Variants in ACAP1 observed in about 807,000 individuals in gnomAD.
ACAP1 encodes ArfGAP with coiled-coil, ankyrin repeat and PH domains 1.
ACAP1 carries 45 observed loss-of-function variants against 98.8 expected under a neutral mutation model. That is an observed-to-expected ratio of 0.46 (90% CI 0.36 to 0.58). The LOEUF is 0.58. Among genes scored for constraint, ACAP1 ranks in the 20% least tolerant of loss-of-function variants. ACAP1 has a pLI of 0.00. For synonymous variants in ACAP1, 362 were observed against 375.3 expected (o/e 0.96, Z 0.41); for missense variants, 735 against 971.4 (o/e 0.76, Z 3.24).
chr17:7,351,468 T>G lies in ACAP1; in HGVS notation c.*73T>G, dbSNP rs371480772. ...CCCTCTGCCATTAAAGCCTCCGTGC[T>G]TCGCTCTTCCCTTCTGGTTCACTTC... On this transcript the variant is annotated 3_prime_UTR_variant, in exon 22 of 22. Transcript: ENST00000158762. 1.0e-4 allele frequency: 120 copies of G among 1,161,022 alleles called. 1 individual carries two copies. In the African/African-American group the frequency reaches 1.6e-3, roughly 16 times the overall value. 71.9% of individuals were successfully genotyped at this position (1,161,022 alleles called of 1,614,324 possible).
Position 7,344,906 on chromosome 17 carries a change from G to A in ACAP1, c.854+258G>A, listed in dbSNP as rs2073332195. On this transcript the variant is annotated intron_variant, in intron 10 of 21. Transcript: ENST00000158762. The surrounding 1 kb of genome is among the most constrained non-coding windows in gnomAD (Gnocchi z 4.9). ...GTAGGGGTTACAGTTCTAAATAGTT[G>A]GGCAGTGTGGGCTTCATGAGAAGGT... Among the ~76,000 whole-genome samples the A allele has an allele frequency of 6.6e-6, 1 of 152,154 alleles. No homozygotes were observed. The highest frequency in any genetic ancestry group is 2.4e-5 in the African/African-American group (1 of 41,436).
chr17:7,337,901 T>C (rs1567627381), intron 2 of ACAP1, among the ~76,000 whole-genome samples: 1 of 151,938 alleles, frequency 6.6e-6, no homozygotes, highest in Non-Finnish European at 1.5e-5. Flanking sequence ...GCTCTTGAGC[T>C]CCTGCATTGT....
At position 7,338,246 on chromosome 17, in the gene ACAP1, A is replaced by T. The variant is rs545461690; in HGVS notation, c.111+877A>T. ...GTGAGACCTCATCTCTACAAATAAT[A>T]ATTTTATTTTTATTTTTATTTATTT... On this transcript the variant is annotated intron_variant, in intron 2 of 21. Coordinates refer to ENST00000158762, the MANE Select transcript of ACAP1 (RefSeq NM_014716.4). Among the ~76,000 whole-genome samples the T allele has an allele frequency of 2.7e-4, 41 of 151,968 alleles. 1 individual carries two copies. In the South Asian group the frequency reaches 8.5e-3, roughly 32 times the overall value.
At chr17:7,339,725 TTGTGTA>T (rs2073257481) in intron 2 of ACAP1, among the ~76,000 whole-genome samples, 1 of 152,236 alleles carries the variant, frequency 6.6e-6, no homozygotes, top group Non-Finnish European at 1.5e-5. Flanking sequence ...TTTGGTGTTT[TTGTGTA>T]TAATTCTATG....
Position 7,336,667 on chromosome 17 carries a change from G to C in ACAP1, c.-68G>C. ...TCATCTCCCCTTCCTGGGACAGAAAGTGCCTCCACCTGCATCCCCAGGGGC... is the reference window on the plus strand; with the variant it reads ...TCATCTCCCCTTCCTGGGACAGAAACTGCCTCCACCTGCATCCCCAGGGGC... On this transcript the variant is annotated 5_prime_UTR_variant, in exon 1 of 22. Transcript: ENST00000158762. 6.4e-7 allele frequency: 1 copy of C among 1,551,730 alleles called. No individual in the cohort carries two copies. The highest frequency in any genetic ancestry group is 8.9e-7 in the Non-Finnish European group (1 of 1,124,322).
At chr17:7,336,917 C>A in intron 1 of ACAP1, 130 bp downstream of exon 1, 4 of 935,292 alleles carry the variant, frequency 4.3e-6, no homozygotes, top group South Asian at 1.4e-5. Flanking sequence ...GCCTGTGGGC[C>A]AAAGTGGTAC....
Position 7,336,740 on chromosome 17 carries a change from G to A in ACAP1, c.6G>A (p.Thr2=), listed in dbSNP as rs144489925. The change falls in exon 1 of 22, where the codon ACG becomes ACA. Residue 2 remains threonine, a synonymous_variant. Transcript: ENST00000158762. ...CCCACAGCAGGCAAGCTGAGATGAC[G>A]GTCAAGCTGGATTTCGAGGAGTGTC... The part of the protein sequence containing the change: M[T]VKLDFEECLK... The A allele has an allele frequency of 2.6e-4, 425 of 1,613,750 alleles. No homozygotes were observed. The highest frequency in any genetic ancestry group is 3.3e-4 in the Non-Finnish European group (389 of 1,179,856).
chr17:7,350,469 C>T lies in ACAP1; in HGVS notation c.2072+232C>T. 1 of 577,278 alleles carries T rather than the reference C, an allele frequency of 1.7e-6. No individual in the cohort carries two copies. Among genetic ancestry groups the T allele is most frequent in the East Asian group, 2.9e-5 (1 of 34,736 alleles). The allele number at this position is 577,278 out of a possible 1,614,324, so 35.8% of individuals were successfully genotyped here. A position where few individuals can be genotyped will look rare whatever the true frequency, so the allele number is the denominator to read the frequency against. ...CGGGCAGGGTGCAAGGATGCTTGGC[C>T]CACCCTGAGAGGCGTAATTCGCCCA... On this transcript the variant is annotated intron_variant, in intron 20 of 21. Transcript: ENST00000158762. The surrounding 1 kb of genome is among the most constrained non-coding windows in gnomAD (Gnocchi z 4.6).
intron 1 of ACAP1, 113 bp downstream of exon 1, chr17:7,336,900 G>A: frequency 1.6e-6 from 2 of 1,214,476 alleles, no homozygotes; most frequent in Non-Finnish European, 2.4e-6. Flanking sequence ...CTAAGAGGCA[G>A]GAGCGAGCCT....
intron 2 of ACAP1, among the ~76,000 whole-genome samples, chr17:7,338,384 G>A (rs2073242363): frequency 6.6e-6 from 1 of 151,996 alleles, no homozygotes; most frequent in African/African-American, 2.4e-5. Flanking sequence ...CTCCCAAGTA[G>A]CTGGGATTAC....
intron 1 of ACAP1, 35 bp downstream of exon 1, chr17:7,336,822 GA>G: frequency 1.2e-6 from 2 of 1,610,776 alleles, no homozygotes; most frequent in Non-Finnish European, 1.7e-6. Flanking sequence ...CTAAGGAGGG[GA>G]AAGTCTAACA....
Position 7,350,820 on chromosome 17 carries a change from C to G in ACAP1, c.2073-130C>G. 2 of 838,244 alleles carry G rather than the reference C, an allele frequency of 2.4e-6. No homozygotes were observed. The highest frequency in any genetic ancestry group is 3.9e-6 in the Non-Finnish European group (2 of 514,844). 51.9% of individuals were successfully genotyped at this position (838,244 alleles called of 1,614,324 possible). Reference sequence around the variant, plus strand: ...AGAGACGGGGTTTCACCATGTTGGCCAGGACGGTCTCGATCTCCTGACCTC... The same window carrying G: ...AGAGACGGGGTTTCACCATGTTGGCGAGGACGGTCTCGATCTCCTGACCTC... On this transcript the variant is annotated intron_variant, in intron 20 of 21. Transcript: ENST00000158762. This position sits in a 1 kb window ranked among gnomAD's most constrained non-coding sequence, Gnocchi z 4.6.
chr17:7,336,540 G>A lies in ACAP1; in HGVS notation c.-195G>A, dbSNP rs564112715. The A allele has an allele frequency of 2.5e-5, 15 of 602,378 alleles. No individual in the cohort carries two copies. The East Asian group carries it at 3.7e-4, about 15-fold the overall frequency. 37.3% of individuals were successfully genotyped at this position (602,378 alleles called of 1,614,324 possible). ...CCCCTGCCCCTCCCAGCACTGCCTG[G>A]AAGTGTGGGGTGAGAGCTCCTCCTA... is the stretch of plus-strand genomic sequence containing the variant. On this transcript the variant is annotated 5_prime_UTR_variant, in exon 1 of 22. Coordinates refer to ENST00000158762, the MANE Select transcript of ACAP1 (RefSeq NM_014716.4).
intron 5 of ACAP1, chr17:7,342,907 CAAAAAAAAAAAA>C (rs35515243): frequency 1.7e-4 from 12 of 69,056 alleles, no homozygotes; most frequent in African/African-American, 2.4e-4. Context: ...GACTCTGCCT[CAAAAAAAAAAAA>C]AAAAAAAAAA....
intron 14 of ACAP1, 36 bp from the exon 15 acceptor site, chr17:7,347,885 CT>C: frequency 6.3e-7 from 1 of 1,589,874 alleles, no homozygotes; most frequent in Non-Finnish European, 8.6e-7. Context: ...CACTGCCCCC[CT>C]GCACAGGGCC....
At chr17:7,342,386 C>A (rs1249790626) in intron 4 of ACAP1, 30 bp from the exon 5 acceptor site, 3 of 1,613,820 alleles carry the variant, frequency 1.9e-6, no homozygotes, top group Non-Finnish European at 2.5e-6. Flanking sequence ...GTGGTCCTGA[C>A]CCCAGTCTAC....
At position 7,349,983 on chromosome 17, in the gene ACAP1, G is replaced by A; in HGVS notation, c.1890G>A (p.Gly630=). 6.2e-7 allele frequency: 1 copy of A among 1,613,230 alleles called. No homozygotes were observed. The highest frequency in any genetic ancestry group is 8.5e-7 in the Non-Finnish European group (1 of 1,179,380). ...LLACEFLLQN[G]ANVNQADSAG... is the part of the protein sequence containing the mutation. ...CCTGTGAGTTTCTCCTCCAGAACGG[G>A]GCGAACGTGAACCAAGCGGACAGTG... The change falls in exon 19 of 22, where the codon GGG becomes GGA. Residue 630 remains glycine (G), a synonymous_variant. Transcript: ENST00000158762.
chr17:7,346,422 G>A lies in ACAP1; in HGVS notation c.938G>A (p.Arg313His), dbSNP rs1017836179. 4 of 1,613,850 alleles carry A rather than the reference G, an allele frequency of 2.5e-6. No individual in the cohort carries two copies. The highest frequency in any genetic ancestry group is 3.4e-6 in the Non-Finnish European group (4 of 1,179,876). The part of the protein sequence containing the change: ...DPVTVVVDDL[R>H]LCTVKLCPDS... ...GTGACTGTGGTGGTGGATGACCTTC[G>A]TCTCTGCACAGTGAAACTCTGCCCT... is the stretch of plus-strand genomic sequence containing the variant. Residue 313 changes from arginine (R) to histidine (H), a missense_variant, in exon 12 of 22, where the codon CGT (arginine) becomes CAT (histidine). Arg to His is a conservative substitution (Grantham distance 29). Around this residue, in one of 5 missense-constraint regions of ACAP1, gnomAD observed 430 missense variants for 531.8 expected, o/e 0.81. Coordinates refer to ENST00000158762, the MANE Select transcript of ACAP1 (RefSeq NM_014716.4).
chr17:7,337,172 C>T, intron 1 of ACAP1, 140 bp from the exon 2 acceptor site: 1 of 791,110 alleles, frequency 1.3e-6, no homozygotes. Flanking sequence ...GGGCAGAGCA[C>T]AAGTAGGTGG....
Sources: allele counts gnomAD v4.1 joint callset (sites outside exome capture counted in the v4.1 genomes callset), GRCh38; gene constraint gnomAD v4.1.1; regional missense constraint gnomAD v4.1.1; non-coding constraint Gnocchi (gnomAD v3.1); transcripts MANE v1.5; gene names NCBI Gene and HGNC (gene_info 2026-07-23, HGNC 2026-07-21).